Variants in ANKRD30B observed in about 807,000 individuals in gnomAD.
ANKRD30B encodes ankyrin repeat domain 30B.
ANKRD30B carries 144 observed loss-of-function variants against 202.2 expected under a neutral mutation model. That is an observed-to-expected ratio of 0.71 (90% confidence interval 0.62 to 0.82). The LOEUF (loss-of-function observed/expected upper bound fraction) is 0.82. Ranked by LOEUF, ANKRD30B falls within the 40% of genes least tolerant of loss-of-function variation. The probability of loss-of-function intolerance (pLI) is 0.00; values close to 1 mark genes in which losing one functional copy is unlikely to be tolerated. For missense variants in ANKRD30B, 1,487 were observed against 1,669.1 expected (o/e 0.89, Z 1.90); for synonymous variants, 508 against 561.3 (o/e 0.91, Z 1.34).
intron 1 of ANKRD30B, among the ~76,000 whole-genome samples, 196 bp downstream of exon 1, chr18:14,748,836 C>T (rs1037903561): frequency 1.3e-5 from 2 of 152,192 alleles, no homozygotes; most frequent in African/African-American, 4.8e-5. Context: ...GATGGGGGCG[C>T]CCTGCAGGGC....
rs1205255819 is a variant in ANKRD30B, at chr18:14,752,652, A to G, written c.308A>G (p.Asp103Gly). 4 of 1,608,484 alleles carry G rather than the reference A, an allele frequency of 2.5e-6. No individual in the cohort carries two copies. Among genetic ancestry groups the G allele is most frequent in the East Asian group, 2.2e-5 (1 of 44,842 alleles). The change falls in exon 2 of 44, where the codon GAT becomes GGT. Residue 103 changes from aspartate (D) to glycine (G), a missense_variant. Asp to Gly is a moderately conservative substitution (Grantham distance 94). Coordinates refer to ENST00000690538, the MANE Select transcript of ANKRD30B (RefSeq NM_001367607.2). ...AGAAAGTGCCAGCTTAATGTCCTTG[A>G]TGGCGAAGGGAGGACACCTCTGATG... ...VDRKCQLNVL[D>G]GEGRTPLMKA... is the part of the protein sequence containing the mutation.
chr18:14,908,598 G>A, the ANKRD30B span, among the ~76,000 whole-genome samples: 8 of 152,144 alleles, frequency 5.3e-5, no homozygotes, highest in Non-Finnish European at 7.3e-5. Context: ...CCATGTGTTC[G>A]TGTGCTTTAC....
intron 30 of ANKRD30B, among the ~76,000 whole-genome samples, chr18:14,815,488 G>C (rs1970041239): frequency 6.6e-6 from 1 of 152,086 alleles, no homozygotes; most frequent in African/African-American, 2.4e-5. Flanking sequence ...GGCCTTTCAT[G>C]GGAAAAATGT....
downstream of ANKRD30B, among the ~76,000 whole-genome samples, chr18:14,856,706 A>G (rs1358083872): frequency 9.7e-4 from 95 of 98,050 alleles, no homozygotes; most frequent in Middle Eastern, 9.8e-3. Flanking sequence ...GGAGGGAGGC[A>G]CTCCTCACCT....
chr18:14,787,264 T>A (rs1968150571), intron 15 of ANKRD30B, among the ~76,000 whole-genome samples, 164 bp downstream of exon 15: 1 of 152,176 alleles, frequency 6.6e-6, no homozygotes, highest in Admixed American at 6.5e-5. Flanking sequence ...GCTAAGTAGA[T>A]TACCACTTCA....
chr18:14,902,380 G>C, the ANKRD30B span, among the ~76,000 whole-genome samples: 1 of 152,144 alleles, frequency 6.6e-6, no homozygotes, highest in South Asian at 2.1e-4. Flanking sequence ...AAGTATTACA[G>C]GCAAAATCTG....
At chr18:14,882,931 TC>T in the ANKRD30B span, among the ~76,000 whole-genome samples, 1 of 152,212 alleles carries the variant, frequency 6.6e-6, no homozygotes, top group East Asian at 1.9e-4. Flanking sequence ...CTACTGCTGC[TC>T]GCTTTTGGTG....
In ANKRD30B at chr18:14,848,981, T is replaced by C. The variant is rs1971771690; in HGVS notation, c.3395+52T>C. 1.7e-5 allele frequency: 24 copies of C among 1,386,728 alleles called. No homozygotes were observed. In the South Asian group the frequency reaches 4.3e-4, roughly 25 times the overall value. 85.9% of individuals were successfully genotyped at this position (1,386,728 alleles called of 1,614,324 possible). On this transcript the variant is annotated intron_variant, in intron 40 of 43. Coordinates refer to ENST00000690538, the MANE Select transcript of ANKRD30B (RefSeq NM_001367607.2). The stretch of plus-strand genomic sequence containing the variant: ...ATTTCAACTATTTATACTAAAAGTA[T>C]GTAGGATACTTTTTGTAAAAGCTGA...
At chr18:14,890,114 A>G in the ANKRD30B span, 8 of 938,800 alleles carry the variant, frequency 8.5e-6, no homozygotes, top group Non-Finnish European at 1.4e-5. Flanking sequence ...ACAGAAAGAC[A>G]TGTCAGGTAT....
chr18:14,778,464 C>T (rs751935250), intron 10 of ANKRD30B, among the ~76,000 whole-genome samples: 29 of 152,218 alleles, frequency 1.9e-4, no homozygotes, highest in African/African-American at 6.7e-4. Context: ...TATAAGGTGA[C>T]CTTTCTTTAC....
the ANKRD30B span, among the ~76,000 whole-genome samples, chr18:14,933,300 T>C: frequency 1.3e-5 from 2 of 152,320 alleles, no homozygotes; most frequent in East Asian, 3.9e-4. Context: ...CCCAGCCTGA[T>C]GCAGCTCTGA....
At chr18:14,845,921 A>G (rs1201381342) in intron 39 of ANKRD30B, among the ~76,000 whole-genome samples, 2 of 152,164 alleles carry the variant, frequency 1.3e-5, no homozygotes, top group Non-Finnish European at 2.9e-5. Context: ...GTTGGCCCTC[A>G]TGACCTAATT....
chr18:14,858,981 AGAT>A (rs1376916405), downstream of ANKRD30B, among the ~76,000 whole-genome samples: 4 of 89,602 alleles, frequency 4.5e-5, no homozygotes, highest in Non-Finnish European at 9.0e-5. Context: ...CTCACCTCCC[AGAT>A]GATGGGCAGC....
intron 24 of ANKRD30B, 40 bp downstream of exon 24, chr18:14,803,864 T>C (rs1969344900): frequency 6.6e-7 from 1 of 1,510,424 alleles, no homozygotes; most frequent in Admixed American, 2.3e-5. Flanking sequence ...TTTGACCAAA[T>C]GTTTCTCTGA....
At chr18:14,934,079 G>T in the ANKRD30B span, among the ~76,000 whole-genome samples, 1 of 152,152 alleles carries the variant, frequency 6.6e-6, no homozygotes, top group Admixed American at 6.5e-5. Context: ...ACCCTGGGCA[G>T]CCATAAAAAG....
the ANKRD30B span, among the ~76,000 whole-genome samples, chr18:14,875,888 A>G: frequency 2.0e-5 from 3 of 152,140 alleles, no homozygotes; most frequent in African/African-American, 7.2e-5. Context: ...AATGGGCGCT[A>G]AGAATTCTTG....
the ANKRD30B span, among the ~76,000 whole-genome samples, chr18:14,879,753 G>A: frequency 6.6e-6 from 1 of 150,820 alleles, no homozygotes; most frequent in Non-Finnish European, 1.5e-5. Flanking sequence ...GGGGTTAGGG[G>A]TTAGGGTCAG....
chr18:14,926,350 TCTC>T, the ANKRD30B span, among the ~76,000 whole-genome samples: 3 of 152,310 alleles, frequency 2.0e-5, no homozygotes, highest in African/African-American at 7.2e-5. Context: ...AAGCAGGTCA[TCTC>T]CTCCCTCAGA....
the ANKRD30B span, among the ~76,000 whole-genome samples, chr18:14,934,834 C>A: frequency 6.6e-6 from 1 of 151,944 alleles, no homozygotes; most frequent in Admixed American, 6.6e-5. Context: ...TCCTGGAGTG[C>A]AGGCATGCGG....
Sources: gnomAD v4.1 joint callset for allele counts (sites outside exome capture counted in the v4.1 genomes callset) on GRCh38, gnomAD v4.1.1 for gene constraint, MANE v1.5 for transcripts, NCBI Gene and HGNC (gene_info 2026-07-23, HGNC 2026-07-21) for gene names.